PBX3: variants seen among roughly 807,000 people sequenced by gnomAD.
PBX3 encodes pre-B-cell leukemia transcription factor 3.
A neutral mutation model predicts 48.5 loss-of-function variants in PBX3; 14 were observed. The ratio of observed to expected loss-of-function variants is 0.29; its 90% CI spans 0.19 to 0.45. The LOEUF (loss-of-function observed/expected upper bound fraction) is 0.45. Ranked by LOEUF, PBX3 falls within the 20% of genes least tolerant of loss-of-function variation. The probability of loss-of-function intolerance (pLI) is 1.00; values close to 1 mark genes in which losing one functional copy is unlikely to be tolerated. For synonymous variants in PBX3, 210 were observed against 200.3 expected (o/e 1.05, Z -0.41); for missense variants, 386 against 546.7 (o/e 0.71, Z 2.93).
At chr9:125,751,709 A>G (rs948451005) in intron 2 of PBX3, among the ~76,000 whole-genome samples, 1 of 152,238 alleles carries the variant, frequency 6.6e-6, no homozygotes, top group Admixed American at 6.5e-5. Context: ...TAAACCAAGT[A>G]ACCAGTGAGA....
At chr9:125,833,047 G>A (rs1048673034) in intron 2 of PBX3, among the ~76,000 whole-genome samples, 24 of 152,198 alleles carry the variant, frequency 1.6e-4, no homozygotes, top group African/African-American at 5.1e-4. Flanking sequence ...CTTAACCGCT[G>A]TAGCATGCAA....
At chr9:125,755,672 G>GTTTTTTTTTTTT (rs11310993) in intron 2 of PBX3, among the ~76,000 whole-genome samples, 102 of 95,110 alleles carry the variant, frequency 1.1e-3, no homozygotes, top group Middle Eastern at 6.8e-3. Context: ...GAGGAGCTTT[G>GTTTTTTTTTTTT]TTTTTTTTTT....
At chr9:125,841,366 G>A (rs1368235818) in intron 2 of PBX3, among the ~76,000 whole-genome samples, 1 of 152,158 alleles carries the variant, frequency 6.6e-6, no homozygotes, top group African/African-American at 2.4e-5. Flanking sequence ...TTCTGTGGGT[G>A]TAGGAGAAAT....
At chr9:125,946,566 T>A (rs1244144072) in intron 5 of PBX3, among the ~76,000 whole-genome samples, 1 of 151,906 alleles carries the variant, frequency 6.6e-6, no homozygotes, top group Non-Finnish European at 1.5e-5. Context: ...AATGTTAGAA[T>A]CAAAATTAAG....
chr9:125,880,483 G>A (rs1840357476), intron 2 of PBX3, among the ~76,000 whole-genome samples: 1 of 152,182 alleles, frequency 6.6e-6, no homozygotes, highest in Non-Finnish European at 1.5e-5. Context: ...TTAATTATCT[G>A]ACTTTTCTCT....
intron 5 of PBX3, among the ~76,000 whole-genome samples, chr9:125,941,830 A>T (rs191588327): frequency 6.6e-6 from 1 of 152,238 alleles, no homozygotes; most frequent in East Asian, 1.9e-4. Context: ...TACATTGATT[A>T]TTCAAGTTAC....
At chr9:125,872,285 GA>G (rs775268298) in intron 2 of PBX3, among the ~76,000 whole-genome samples, 6 of 152,106 alleles carry the variant, frequency 3.9e-5, no homozygotes, top group Admixed American at 6.5e-5. Context: ...GATTGCAAGA[GA>G]AAAAGTAAAG....
intron 2 of PBX3, among the ~76,000 whole-genome samples, chr9:125,900,622 G>T (rs1297251367): frequency 1.3e-5 from 2 of 151,672 alleles, no homozygotes; most frequent in Non-Finnish European, 3.0e-5. Context: ...CAGGCAGGTG[G>T]CTTTACACCT....
intron 5 of PBX3, among the ~76,000 whole-genome samples, chr9:125,941,184 A>T (rs1433737636): frequency 6.6e-6 from 1 of 152,206 alleles, no homozygotes; most frequent in Admixed American, 6.5e-5. Flanking sequence ...GAAGGAGATG[A>T]AGGACAAGTC....
intron 2 of PBX3, among the ~76,000 whole-genome samples, chr9:125,766,039 G>GGGA (rs1836793607): frequency 6.6e-6 from 1 of 152,102 alleles, no homozygotes; most frequent in South Asian, 2.1e-4. Context: ...ATTTAGGAAT[G>GGGA]GGAGGACTAG....
At chr9:125,810,520 C>G (rs543422200) in intron 2 of PBX3, among the ~76,000 whole-genome samples, 1 of 152,050 alleles carries the variant, frequency 6.6e-6, no homozygotes, top group African/African-American at 2.4e-5. Flanking sequence ...ATTTCCACTT[C>G]TAAATGTCTT....
intron 2 of PBX3, among the ~76,000 whole-genome samples, chr9:125,897,311 TC>T (rs1399752207): frequency 6.6e-6 from 1 of 151,856 alleles, no homozygotes; most frequent in Non-Finnish European, 1.5e-5. Flanking sequence ...GAAGACTAAT[TC>T]ATTTAGAATA....
chr9:125,922,214 T>G (rs1266552617), intron 3 of PBX3, among the ~76,000 whole-genome samples: 2 of 152,170 alleles, frequency 1.3e-5, no homozygotes, highest in Non-Finnish European at 1.5e-5. Context: ...TTTTAAATCC[T>G]CAATTATTAC....
At chr9:125,841,968 G>T (rs1294678685) in intron 2 of PBX3, among the ~76,000 whole-genome samples, 2 of 152,060 alleles carry the variant, frequency 1.3e-5, no homozygotes, top group Non-Finnish European at 2.9e-5. Flanking sequence ...TTGAGTAAAA[G>T]ACTATATTTT....
chr9:125,957,246 C>T (rs892466738), intron 5 of PBX3, among the ~76,000 whole-genome samples: 1 of 152,184 alleles, frequency 6.6e-6, no homozygotes, highest in African/African-American at 2.4e-5. Flanking sequence ...TCATTGCTTC[C>T]AATTAAACCT....
chr9:125,926,448 A>C (rs532404529), intron 3 of PBX3, among the ~76,000 whole-genome samples: 220 of 152,248 alleles, frequency 1.4e-3, no homozygotes, highest in African/African-American at 5.1e-3. Context: ...CAAACTCAGA[A>C]GGCGGAGGTT....
intron 2 of PBX3, among the ~76,000 whole-genome samples, chr9:125,912,271 TAAACTC>T (rs1841221244): frequency 6.6e-6 from 1 of 152,176 alleles, no homozygotes; most frequent in Non-Finnish European, 1.5e-5. Flanking sequence ...GTCAGATTAT[TAAACTC>T]AAACAGCCCC....
intron 2 of PBX3, among the ~76,000 whole-genome samples, chr9:125,790,982 T>C (rs1042241364): frequency 3.9e-5 from 6 of 151,962 alleles, no homozygotes; most frequent in African/African-American, 1.4e-4. Flanking sequence ...GGTGCAACCT[T>C]GGCTCACTGC....
intron 2 of PBX3, among the ~76,000 whole-genome samples, chr9:125,883,287 C>G (rs1015584172): frequency 6.6e-6 from 1 of 152,188 alleles, no homozygotes; most frequent in Non-Finnish European, 1.5e-5. Flanking sequence ...ATCAGAAATA[C>G]TTAAACAGTT....
Sources: allele counts gnomAD v4.1 joint callset (sites outside exome capture counted in the v4.1 genomes callset), GRCh38; gene constraint gnomAD v4.1.1; transcripts MANE v1.5; gene names NCBI Gene and HGNC (gene_info 2026-07-23, HGNC 2026-07-21).